Variants in DDX52 observed in about 807,000 individuals in gnomAD.
DDX52 encodes probable ATP-dependent RNA helicase DDX52.
A neutral mutation model predicts 76.1 loss-of-function variants in DDX52; 59 were observed. The observed-to-expected ratio is 0.78, with a 90% CI of 0.63 to 0.96. The LOEUF (loss-of-function observed/expected upper bound fraction) is 0.96. Among genes scored for constraint, DDX52 ranks in the 40% least tolerant of loss-of-function variants. DDX52 has a pLI of 0.00. For missense variants in DDX52, 707 were observed against 703.9 expected, an observed-to-expected ratio of 1.00 and a Z score of -0.05; for synonymous variants, 231 against 244.1, an observed-to-expected ratio of 0.95 and a Z score of 0.50.
chr17:37,626,950 C>A (rs1197484824), intron 6 of DDX52, 90 bp from the exon 7 acceptor site: 2 of 1,034,586 alleles, frequency 1.9e-6, no homozygotes, highest in Non-Finnish European at 2.9e-6. Flanking sequence ...AGTTAATAAC[C>A]TGAAGTGGGA....
At chr17:37,626,171 G>C (rs145418414) in intron 7 of DDX52, 73 bp from the exon 8 acceptor site, 1 of 1,503,294 alleles carries the variant, frequency 6.7e-7, no homozygotes, top group African/African-American at 1.4e-5. Flanking sequence ...TGTGGGGACA[G>C]TGGACACATG....
At chr17:37,621,570 G>C (rs2030098127) in intron 9 of DDX52, 50 bp from the exon 10 acceptor site, 1 of 1,554,722 alleles carries the variant, frequency 6.4e-7, no homozygotes, top group East Asian at 2.3e-5. Context: ...GAATACAATT[G>C]GTCATTATTT....
intron 12 of DDX52, 115 bp from the exon 13 acceptor site, chr17:37,619,954 G>T (rs1376224933): frequency 4.1e-6 from 4 of 965,168 alleles, no homozygotes; most frequent in Non-Finnish European, 6.3e-6. Flanking sequence ...AATCCACAAA[G>T]TGTTCTGATA....
intron 2 of DDX52, among the ~76,000 whole-genome samples, chr17:37,635,195 T>C (rs557061261): frequency 2.0e-5 from 3 of 152,318 alleles, no homozygotes; most frequent in African/African-American, 7.2e-5. Context: ...TAGCAAAGAC[T>C]AGTTCTAATT....
At chr17:37,617,206 T>G (rs1452056704) in intron 14 of DDX52, among the ~76,000 whole-genome samples, 4 of 152,218 alleles carry the variant, frequency 2.6e-5, no homozygotes, top group Non-Finnish European at 5.9e-5. Context: ...ATGGAAACAG[T>G]TTTTTTCTAA....
At position 37,618,399 on chromosome 17, in the gene DDX52, G is replaced by A. The variant is rs371206352; in HGVS notation, c.1650-15C>T. On this transcript the variant is annotated splice_polypyrimidine_tract_variant and intron_variant, in intron 13 of 14. Transcript: ENST00000617633. The stretch of plus-strand genomic sequence containing the variant: ...TCTTTTGTTTGCTGAAAGTTACAAA[G>A]TAAAAAAGGAAAAGAATTAAGTGCA... 4 of 1,560,816 alleles carry A rather than the reference G, an allele frequency of 2.6e-6. No homozygotes were observed. Among genetic ancestry groups the A allele is most frequent in the Non-Finnish European group, 2.6e-6 (3 of 1,160,260 alleles).
chr17:37,620,981 T>C (rs762281184), intron 11 of DDX52, 33 bp from the exon 12 acceptor site: 3 of 1,571,858 alleles, frequency 1.9e-6, no homozygotes, highest in East Asian at 2.2e-5. Context: ...AAAACACATT[T>C]TGGGGGGAAG....
chr17:37,630,775 G>A (rs1441690582), intron 4 of DDX52: 2 of 152,270 alleles, frequency 1.3e-5, no homozygotes, highest in African/African-American at 4.8e-5. Flanking sequence ...CCGAGTAGCT[G>A]GGATTACAGG....
intron 5 of DDX52, among the ~76,000 whole-genome samples, chr17:37,629,276 C>T (rs1319643138): frequency 3.6e-5 from 4 of 112,140 alleles, no homozygotes; most frequent in East Asian, 5.0e-4. Context: ...CACACACACA[C>T]ATAGTACTAT....
intron 2 of DDX52, among the ~76,000 whole-genome samples, chr17:37,640,998 A>T (rs1303847544): frequency 6.6e-6 from 1 of 151,950 alleles, no homozygotes. Flanking sequence ...GCAAACAAAC[A>T]AACAACAAAA....
In DDX52 at chr17:37,642,190, T is replaced by C; in HGVS notation, c.206A>G (p.Gln69Arg). 6.2e-7 allele frequency: 1 copy of C among 1,614,184 alleles called. No homozygotes were observed. The highest frequency in any genetic ancestry group is 1.1e-5 in the South Asian group (1 of 91,082). ...CGASQTHQKP[Q>R]NGEKKEESLT... The stretch of plus-strand genomic sequence containing the variant: ...GCTCTCTTCTTTTTTCTCTCCATTT[T>C]GGGGCTTCTGATGTGTTTGTGATGC... The change falls in exon 2 of 15, where the codon CAA becomes CGA. Residue 69 changes from glutamine to arginine, a missense_variant. Transcript: ENST00000617633.
Position 37,642,160 on chromosome 17 carries a change from G to A in DDX52, c.236C>T (p.Thr79Ile), listed in dbSNP as rs1394826337. The stretch of plus-strand genomic sequence containing the variant: ...CTTGCTCTGCTCCCTCTTCCTTTCA[G>A]TTAGGCTCTCTTCTTTTTTCTCTCC... ...QNGEKKEESL[T>I]ERKREQSKKK... The change falls in exon 2 of 15, where the codon ACT becomes ATT. Residue 79 changes from threonine to isoleucine, a missense_variant. Transcript: ENST00000617633. The A allele has an allele frequency of 6.2e-7, 1 of 1,613,964 alleles. No homozygotes were observed. The highest frequency in any genetic ancestry group is 1.1e-5 in the South Asian group (1 of 91,074).
intron 2 of DDX52, among the ~76,000 whole-genome samples, chr17:37,634,721 C>G (rs980293115): frequency 2.0e-5 from 3 of 152,176 alleles, no homozygotes; most frequent in Non-Finnish European, 2.9e-5. Context: ...ATGAAGAACA[C>G]TAGCCAATTA....
At chr17:37,624,817 CAGTT>C (rs544933951) in intron 8 of DDX52, among the ~76,000 whole-genome samples, 13 of 151,990 alleles carry the variant, frequency 8.6e-5, no homozygotes, top group South Asian at 2.1e-4. Flanking sequence ...TATAGACCAA[CAGTT>C]AGGGGTGAGA....
At chr17:37,626,188 T>A in intron 7 of DDX52, 90 bp from the exon 8 acceptor site, 1 of 1,359,594 alleles carries the variant, frequency 7.4e-7, no homozygotes, top group Non-Finnish European at 1.0e-6. Context: ...CATGAGGAAG[T>A]CAAACTATAA....
chr17:37,620,117 C>G, intron 12 of DDX52: 1 of 354,050 alleles, frequency 2.8e-6, no homozygotes, highest in East Asian at 4.8e-5. Context: ...TTGGAGGAAG[C>G]ACTGACTGAA....
In DDX52 at chr17:37,612,746, G is replaced by A. The variant is rs1045468838; in HGVS notation, c.*1550C>T. The A allele has an allele frequency of 1.3e-5, 2 of 152,116 alleles. No homozygotes were observed. The highest frequency in any genetic ancestry group is 1.3e-4 in the Admixed American group (2 of 15,260). 9.4% of individuals were successfully genotyped at this position (152,116 alleles called of 1,614,324 possible). ...AATCTATGTTTAAGAAATATTTATTGTGAGTTTACTATGTATCAGGTACAG... is the reference window on the plus strand; with the variant it reads ...AATCTATGTTTAAGAAATATTTATTATGAGTTTACTATGTATCAGGTACAG... On this transcript the variant is annotated 3_prime_UTR_variant, in exon 15 of 15. Transcript: ENST00000617633.
intron 4 of DDX52, chr17:37,631,816 C>T (rs377608472): frequency 1.4e-5 from 6 of 414,314 alleles, no homozygotes; most frequent in Admixed American, 4.1e-5. Flanking sequence ...ATGATTGGTG[C>T]GAATACAAAG....
chr17:37,619,654 G>A (rs2029973782), intron 13 of DDX52, 114 bp downstream of exon 13: 1 of 889,110 alleles, frequency 1.1e-6, no homozygotes, highest in Admixed American at 2.7e-5. Flanking sequence ...CAAGACTACA[G>A]TGAGCTGTGA....
Sources: gnomAD v4.1 joint callset for allele counts (sites outside exome capture counted in the v4.1 genomes callset) on GRCh38, gnomAD v4.1.1 for gene constraint, MANE v1.5 for transcripts, NCBI Gene and HGNC (gene_info 2026-07-23, HGNC 2026-07-21) for gene names.